Variants in EPM2A observed in about 807,000 individuals in gnomAD.
EPM2A encodes laforin.
Under a neutral mutation model 26.5 loss-of-function variants are expected in EPM2A, and 21 were observed. The observed-to-expected ratio is 0.79, with a 90% CI of 0.56 to 1.14. EPM2A has a LOEUF of 1.14. Ranked by LOEUF, EPM2A falls within the 50% of genes most tolerant of loss-of-function variation. The pLI is 0.00. For synonymous variants in EPM2A, 217 were observed against 177.6 expected, an observed-to-expected ratio of 1.22 and a Z score of -1.76; for missense variants, 458 against 440.8, an observed-to-expected ratio of 1.04 and a Z score of -0.35.
intron 4 of EPM2A, among the ~76,000 whole-genome samples, chr6:145,438,192 G>T (rs1779013225): frequency 6.6e-6 from 1 of 152,154 alleles, no homozygotes. Context: ...TGGTGTCATG[G>T]GACAAGGTCC....
intron 2 of EPM2A, among the ~76,000 whole-genome samples, chr6:145,567,479 C>A (rs1232566104): frequency 6.6e-6 from 1 of 152,162 alleles, no homozygotes; most frequent in Non-Finnish European, 1.5e-5. Context: ...CTGGAACATG[C>A]TGCCACAGCA....
rs193245295 is a variant in EPM2A at position 145,691,176 on chromosome 6, T to A, written c.302-4880A>T. Among the ~76,000 whole-genome samples, 5 of 152,040 alleles carry A rather than the reference T, an allele frequency of 3.3e-5. No individual in the cohort carries two copies. In the East Asian group the frequency reaches 9.7e-4, roughly 29 times the overall value. Reference sequence around the variant, plus strand: ...GCAGGTGAGCAAAGTCCAAACAACATAAACCCAAAGAAATCAATACCGAGA... The same window carrying A: ...GCAGGTGAGCAAAGTCCAAACAACAAAAACCCAAAGAAATCAATACCGAGA... On this transcript the variant is annotated intron_variant, in intron 1 of 3. Transcript: ENST00000367519.
At chr6:145,470,736 T>C (rs1298254981) in intron 4 of EPM2A, among the ~76,000 whole-genome samples, 1 of 152,184 alleles carries the variant, frequency 6.6e-6, no homozygotes, top group African/African-American at 2.4e-5. Flanking sequence ...ATACACTTTA[T>C]GCACAAAAGG....
rs1362134477 is a variant in EPM2A at position 145,419,230 on chromosome 6, A to G, written c.556-35133T>C. Among the ~76,000 whole-genome samples the G allele has an allele frequency of 1.4e-4, 19 of 137,188 alleles. No individual in the cohort carries two copies. In the Admixed American group the frequency reaches 1.4e-3, roughly 10 times the overall value. The allele number at this position is 137,188 out of a possible 152,430, so 90.0% of individuals were successfully genotyped here. Reference sequence around the variant, plus strand: ...GCAGCGCATGGCCTCACCATTGAACAGTACAGTACAGTGAGCCACAGTTTC... The same window carrying G: ...GCAGCGCATGGCCTCACCATTGAACGGTACAGTACAGTGAGCCACAGTTTC... On this transcript the variant is annotated intron_variant, in intron 4 of 4. Coordinates refer to the EPM2A transcript ENST00000638717.
intron 2 of EPM2A, among the ~76,000 whole-genome samples, chr6:145,571,530 G>C (rs1780955347): frequency 6.6e-6 from 1 of 152,200 alleles, no homozygotes; most frequent in Non-Finnish European, 1.5e-5. Context: ...CCCATATCTA[G>C]AGTAAGTGTC....
chr6:145,707,447 C>A (rs776081141), intron 1 of EPM2A, among the ~76,000 whole-genome samples: 16 of 152,058 alleles, frequency 1.1e-4, no homozygotes, highest in Non-Finnish European at 2.4e-4. Flanking sequence ...GTGTCCTCAC[C>A]CAAACCACAT....
At chr6:145,561,575 C>T (rs953322438) in intron 2 of EPM2A, among the ~76,000 whole-genome samples, 2 of 152,128 alleles carry the variant, frequency 1.3e-5, no homozygotes, top group African/African-American at 4.8e-5. Context: ...GGTAACTATT[C>T]TTATAAATGA....
intron 2 of EPM2A, among the ~76,000 whole-genome samples, chr6:145,563,847 G>A (rs904001230): frequency 6.6e-6 from 1 of 151,942 alleles, no homozygotes; most frequent in Non-Finnish European, 1.5e-5. Context: ...ATAAATATAG[G>A]GAAAACATAT....
chr6:145,683,638 A>G (rs1780714440), intron 2 of EPM2A, among the ~76,000 whole-genome samples: 1 of 152,182 alleles, frequency 6.6e-6, no homozygotes, highest in Non-Finnish European at 1.5e-5. Flanking sequence ...ACTCTATTTA[A>G]AAATTAAAAC....
intron 1 of EPM2A, among the ~76,000 whole-genome samples, chr6:145,720,640 A>G (rs1445324883): frequency 1.3e-5 from 2 of 152,148 alleles, no homozygotes; most frequent in African/African-American, 4.8e-5. Flanking sequence ...CATCAAACAG[A>G]TAGACTTTTG....
At position 145,625,611 on chromosome 6, in the gene EPM2A, C is replaced by A; in HGVS notation, c.*1805G>T. 1.4e-6 allele frequency: 1 copy of A among 716,188 alleles called. No homozygotes were observed. Among genetic ancestry groups the A allele is most frequent in the Non-Finnish European group, 2.6e-6 (1 of 383,786 alleles). 44.4% of individuals were successfully genotyped at this position (716,188 alleles called of 1,614,324 possible). A position where few individuals can be genotyped will look rare whatever the true frequency, so the allele number is the denominator to read the frequency against. On this transcript the variant is annotated 3_prime_UTR_variant, in exon 4 of 4. Coordinates refer to ENST00000367519, the MANE Select transcript of EPM2A (RefSeq NM_005670.4). ...TGACTGTAAATGAGTTACCTGAATA[C>A]CAATTATTACCTCTAGTTATTTTTA...
intron 4 of EPM2A, among the ~76,000 whole-genome samples, chr6:145,416,431 T>A (rs1307146725): frequency 6.6e-6 from 1 of 152,122 alleles, no homozygotes; most frequent in Non-Finnish European, 1.5e-5. Context: ...GGATTTTATA[T>A]GGATATACAT....
At chr6:145,676,466 CA>C (rs1554262171) in intron 2 of EPM2A, among the ~76,000 whole-genome samples, 1 of 151,722 alleles carries the variant, frequency 6.6e-6, no homozygotes, top group Non-Finnish European at 1.5e-5. Context: ...AAAAACCCTT[CA>C]AAAAAATCAA....
intron 2 of EPM2A, chr6:145,685,005 T>C (rs1346051725): frequency 6.6e-6 from 1 of 152,192 alleles, no homozygotes; most frequent in African/African-American, 2.4e-5. Context: ...TTATATTAAT[T>C]GTATCTCTCA....
intron 2 of EPM2A, among the ~76,000 whole-genome samples, chr6:145,553,170 A>G (rs924942159): frequency 6.6e-6 from 1 of 152,044 alleles, no homozygotes; most frequent in Non-Finnish European, 1.5e-5. Context: ...GCTTGCACTC[A>G]TTCTCTCTCC....
intron 4 of EPM2A, among the ~76,000 whole-genome samples, chr6:145,439,910 T>C (rs1779040281): frequency 6.6e-6 from 1 of 152,226 alleles, no homozygotes; most frequent in South Asian, 2.1e-4. Context: ...TGTCCAAAAT[T>C]GTATGTCCTA....
intron 1 of EPM2A, among the ~76,000 whole-genome samples, chr6:145,695,822 C>T (rs1283153154): frequency 6.6e-6 from 1 of 151,950 alleles, no homozygotes; most frequent in Non-Finnish European, 1.5e-5. Context: ...GAGAGATAGA[C>T]TGAAATACTG....
intron 1 of EPM2A, among the ~76,000 whole-genome samples, chr6:145,695,959 A>G (rs1228243550): frequency 1.3e-5 from 2 of 152,058 alleles, no homozygotes; most frequent in African/African-American, 4.8e-5. Context: ...ACAGAAATAT[A>G]TGGCAAAGAA....
chr6:145,598,862 A>T (rs943628652), intron 2 of EPM2A, among the ~76,000 whole-genome samples: 11 of 152,170 alleles, frequency 7.2e-5, no homozygotes, highest in Non-Finnish European at 1.5e-4. Context: ...TTGAATAGTA[A>T]ATCCTTTCCC....
Sources: gnomAD v4.1 joint callset for allele counts (sites outside exome capture counted in the v4.1 genomes callset) on GRCh38, gnomAD v4.1.1 for gene constraint, MANE v1.5 for transcripts, NCBI Gene and HGNC (gene_info 2026-07-23, HGNC 2026-07-21) for gene names.